PRKG1: variants seen among roughly 807,000 people sequenced by gnomAD.
The protein encoded by PRKG1 is cGMP-dependent protein kinase 1.
PRKG1 carries 35 observed loss-of-function variants against 88.1 expected under a neutral mutation model. The observed-to-expected ratio is 0.40, with a 90% CI of 0.30 to 0.53. The LOEUF (loss-of-function observed/expected upper bound fraction) is 0.53, where lower values mean the gene tolerates loss of function less well. Ranked by LOEUF, PRKG1 falls within the 20% of genes least tolerant of loss-of-function variation. The pLI is 0.59. For missense variants in PRKG1, 540 were observed against 839.8 expected (o/e 0.64, Z 4.41); for synonymous variants, 303 against 292.5 (o/e 1.04, Z -0.37).
intron 1 of PRKG1, among the ~76,000 whole-genome samples, chr10:51,126,071 C>CTAT (rs1564610237): frequency 3.0e-4 from 35 of 116,494 alleles, no homozygotes; most frequent in African/African-American, 1.2e-3. Flanking sequence ...TAATATACTA[C>CTAT]ATATAATTAT....
At chr10:52,002,489 A>C (rs1348203242) in intron 5 of PRKG1, among the ~76,000 whole-genome samples, 1 of 152,080 alleles carries the variant, frequency 6.6e-6, no homozygotes, top group Non-Finnish European at 1.5e-5. Flanking sequence ...TTTCTGAGAA[A>C]TGTTAACACG....
intron 3 of PRKG1, among the ~76,000 whole-genome samples, chr10:51,542,949 C>T (rs1028300212): frequency 4.6e-5 from 7 of 152,256 alleles, no homozygotes; most frequent in South Asian, 2.1e-4. Flanking sequence ...AACATAGGAA[C>T]GTGGGGGACA....
chr10:51,402,732 C>A (rs1436495756), intron 2 of PRKG1, among the ~76,000 whole-genome samples: 1 of 152,098 alleles, frequency 6.6e-6, no homozygotes, highest in Non-Finnish European at 1.5e-5. Context: ...TGATTTTTTA[C>A]TATTAGAAGA....
chr10:51,481,212 C>T lies in PRKG1; in HGVS notation c.592+13376C>T, dbSNP rs534313004. On this transcript the variant is annotated intron_variant, in intron 3 of 17. Transcript: ENST00000373980. ...CCCTCCCTCTCTCCCTCCCTCCTTT[C>T]GTTCCTTCCTTCCTTCCTTCTTTCT... Among the ~76,000 whole-genome samples the T allele has an allele frequency of 2.1e-4, 27 of 128,974 alleles. No homozygotes were observed. The East Asian group carries it at 2.1e-3, about 10-fold the overall frequency. 84.6% of individuals were successfully genotyped at this position (128,974 alleles called of 152,430 possible). A position where few individuals can be genotyped will look rare whatever the true frequency, so the allele number is the denominator to read the frequency against.
intron 2 of PRKG1, among the ~76,000 whole-genome samples, chr10:51,318,490 T>G (rs1405117389): frequency 6.6e-6 from 1 of 152,168 alleles, no homozygotes; most frequent in East Asian, 1.9e-4. Context: ...TTTAAGATTA[T>G]GTAAGAATAA....
chr10:51,682,365 C>A (rs1195276474), intron 3 of PRKG1, among the ~76,000 whole-genome samples: 6 of 152,104 alleles, frequency 3.9e-5, no homozygotes, highest in Non-Finnish European at 8.8e-5. Flanking sequence ...ACAGCCCAGA[C>A]CTCTCTAATT....
intron 3 of PRKG1, among the ~76,000 whole-genome samples, chr10:51,595,658 TC>T (rs575567836): frequency 7.0e-6 from 1 of 142,628 alleles, no homozygotes; most frequent in African/African-American, 2.6e-5. Flanking sequence ...AATAAATAAA[TC>T]TGGCAAGCTT....
chr10:51,800,210 C>T (rs920073615), intron 3 of PRKG1, among the ~76,000 whole-genome samples: 6 of 151,906 alleles, frequency 3.9e-5, no homozygotes, highest in African/African-American at 1.2e-4. Flanking sequence ...TTTTTTCTCC[C>T]TCATGTTCAA....
intron 3 of PRKG1, among the ~76,000 whole-genome samples, chr10:51,681,683 A>C (rs919962885): frequency 2.0e-5 from 3 of 152,118 alleles, no homozygotes; most frequent in Non-Finnish European, 2.9e-5. Context: ...TTTTTCATAA[A>C]ATCTTTTTTT....
rs140023995 is a variant in PRKG1 at position 52,138,452 on chromosome 10, T to C, written c.1001+4547T>C. Among the ~76,000 whole-genome samples the C allele has an allele frequency of 5.2e-3, 788 of 152,262 alleles. 20 individuals are homozygous for C. The highest frequency in any genetic ancestry group is 0.047 in the Admixed American group (722 of 15,272). On this transcript the variant is annotated intron_variant, in intron 8 of 17. Transcript: ENST00000373980. ...TAGAAAGAAAACAGAGGAACTTTTC[T>C]GTTTGTCATGGGAGTAAGACTCCTA... is the stretch of plus-strand genomic sequence containing the variant.
intron 2 of PRKG1, among the ~76,000 whole-genome samples, chr10:51,161,346 T>C (rs1846356509): frequency 6.6e-6 from 1 of 152,198 alleles, no homozygotes; most frequent in Non-Finnish European, 1.5e-5. Flanking sequence ...AACATCATTA[T>C]TGAAAAAGTG....
intron 2 of PRKG1, among the ~76,000 whole-genome samples, chr10:51,211,681 CAG>C (rs953690310): frequency 6.6e-6 from 1 of 152,130 alleles, no homozygotes; most frequent in Non-Finnish European, 1.5e-5. Flanking sequence ...AACAGACAAA[CAG>C]AGAGCCAAAT....
At chr10:52,036,290 G>A (rs1845608172) in intron 5 of PRKG1, among the ~76,000 whole-genome samples, 1 of 152,112 alleles carries the variant, frequency 6.6e-6, no homozygotes, top group Admixed American at 6.5e-5. Flanking sequence ...GGCAGGTACT[G>A]AGGATAGGAG....
chr10:52,198,813 AGT>A lies in PRKG1; in HGVS notation c.1076+36870_1076+36871del, dbSNP rs3031003. Among the ~76,000 whole-genome samples the A allele has an allele frequency of 2.0e-3, 295 of 148,836 alleles. 1 individual carries two copies. The highest frequency in any genetic ancestry group is 4.3e-3 in the African/African-American group (176 of 40,556). On this transcript the variant is annotated intron_variant, in intron 9 of 17. Coordinates refer to ENST00000373980, the MANE Select transcript of PRKG1 (RefSeq NM_006258.4). ...TCTTTACCTTTCCTTTTGGGGTGTGAGTGTGTGTGTGTGTGTGTGTGCATGTG... is the reference window on the plus strand; with the variant it reads ...TCTTTACCTTTCCTTTTGGGGTGTGAGTGTGTGTGTGTGTGTGTGCATGTG...
intron 8 of PRKG1, among the ~76,000 whole-genome samples, chr10:52,146,865 C>CAGTGACAATTTACT (rs1372087439): frequency 6.6e-6 from 1 of 152,178 alleles, no homozygotes; most frequent in African/African-American, 2.4e-5. Flanking sequence ...AGTTTACTCT[C>CAGTGACAATTTACT]CAGTGACAAT....
At chr10:51,736,696 ACTC>A (rs1837290154) in intron 3 of PRKG1, among the ~76,000 whole-genome samples, 1 of 148,238 alleles carries the variant, frequency 6.7e-6, no homozygotes, top group South Asian at 2.2e-4. Flanking sequence ...GTAATCTTGA[ACTC>A]CTGGTTTCAA....
intron 4 of PRKG1, among the ~76,000 whole-genome samples, chr10:51,871,193 C>T (rs1589376011): frequency 6.6e-6 from 1 of 152,160 alleles, no homozygotes; most frequent in African/African-American, 2.4e-5. Context: ...TATTGCATTT[C>T]ATGTAAATAT....
intron 5 of PRKG1, among the ~76,000 whole-genome samples, chr10:51,934,282 C>T (rs967208802): frequency 3.3e-5 from 5 of 150,364 alleles, no homozygotes; most frequent in Non-Finnish European, 5.9e-5. Flanking sequence ...CCCACACACA[C>T]GCACAGATTT....
At chr10:51,382,907 G>A (rs1209875427) in intron 2 of PRKG1, among the ~76,000 whole-genome samples, 3 of 152,126 alleles carry the variant, frequency 2.0e-5, no homozygotes, top group African/African-American at 7.2e-5. Context: ...TCCAAACATA[G>A]AGTATAAATC....
Sources: gnomAD v4.1 joint callset for allele counts (sites outside exome capture counted in the v4.1 genomes callset) on GRCh38, gnomAD v4.1.1 for gene constraint, MANE v1.5 for transcripts, NCBI Gene and HGNC (gene_info 2026-07-23, HGNC 2026-07-21) for gene names.